CHRNA5: variants seen among roughly 807,000 people sequenced by gnomAD.
CHRNA5 encodes the protein neuronal acetylcholine receptor subunit alpha-5.
Under a neutral mutation model 41.2 loss-of-function variants are expected in CHRNA5, and 28 were observed. The observed-to-expected ratio is 0.68, with a 90% CI of 0.50 to 0.93. The LOEUF is 0.93. Ranked by LOEUF, CHRNA5 falls within the 40% of genes least tolerant of loss-of-function variation. The pLI is 0.00. For synonymous variants in CHRNA5, 188 were observed against 205.8 expected, an observed-to-expected ratio of 0.91 and a Z score of 0.74; for missense variants, 481 against 581.9, an observed-to-expected ratio of 0.83 and a Z score of 1.78.
At chr15:78,584,692 T>TTC (rs1201728417) in intron 2 of CHRNA5, among the ~76,000 whole-genome samples, 4 of 152,250 alleles carry the variant, frequency 2.6e-5, no homozygotes, top group African/African-American at 9.6e-5. Flanking sequence ...TTTCATTAGA[T>TTC]TCTCAAAGAT....
chr15:78,571,529 C>G (rs2052804746), intron 1 of CHRNA5, among the ~76,000 whole-genome samples: 1 of 151,080 alleles, frequency 6.6e-6, no homozygotes, highest in African/African-American at 2.4e-5. Context: ...TTTATAGCCC[C>G]AAATTAAGAT....
At chr15:78,586,339 T>C (rs1006876805) in intron 2 of CHRNA5, among the ~76,000 whole-genome samples, 1 of 152,238 alleles carries the variant, frequency 6.6e-6, no homozygotes, top group African/African-American at 2.4e-5. Flanking sequence ...AAAATAACAC[T>C]ATGCTTATAT....
chr15:78,578,395 C>T (rs964722061), intron 1 of CHRNA5, among the ~76,000 whole-genome samples: 3 of 152,152 alleles, frequency 2.0e-5, no homozygotes, highest in Non-Finnish European at 2.9e-5. Flanking sequence ...GTGGTCCCTG[C>T]TGTTCGGGAG....
exon 6 of CHRNA5, chr15:78,594,897 A>T (rs2053075221): frequency 6.6e-6 from 1 of 152,244 alleles, no homozygotes; most frequent in Non-Finnish European, 1.5e-5. Flanking sequence ...TTAGTACAGT[A>T]TAATGTATCA....
intron 2 of CHRNA5, among the ~76,000 whole-genome samples, chr15:78,584,389 T>C (rs952447873): frequency 6.6e-6 from 1 of 152,276 alleles, no homozygotes; most frequent in African/African-American, 2.4e-5. Flanking sequence ...TTAACATTTT[T>C]CCATTTGTTA....
At chr15:78,591,418 G>A (rs1685800246) in intron 5 of CHRNA5, 1 of 150,730 alleles carries the variant, frequency 6.6e-6, no homozygotes, top group African/African-American at 2.4e-5. Flanking sequence ...AGCCTAATGT[G>A]GAATTTATAA....
At chr15:78,592,540 T>A (rs1246443712) in intron 5 of CHRNA5, among the ~76,000 whole-genome samples, 1 of 152,164 alleles carries the variant, frequency 6.6e-6, no homozygotes, top group Non-Finnish European at 1.5e-5. Flanking sequence ...TCCGAGCTGC[T>A]GAGCCAGCTC....
intron 1 of CHRNA5, among the ~76,000 whole-genome samples, chr15:78,570,422 CTATTTTT>C (rs1257267810): frequency 3.0e-5 from 2 of 66,288 alleles, no homozygotes; most frequent in African/African-American, 1.9e-4. Context: ...CCAATCCCGG[CTATTTTT>C]TTTTTTTTTT....
intron 1 of CHRNA5, among the ~76,000 whole-genome samples, chr15:78,579,946 A>G (rs2052895442): frequency 6.6e-6 from 1 of 152,220 alleles, no homozygotes; most frequent in South Asian, 2.1e-4. Context: ...AAGTATGTCA[A>G]AGCTAAATCA....
At chr15:78,591,416 G>A (rs1409520946) in intron 5 of CHRNA5, 1 of 148,504 alleles carries the variant, frequency 6.7e-6, no homozygotes, top group Non-Finnish European at 1.5e-5. Flanking sequence ...TGAGCCTAAT[G>A]TGGAATTTAT....
At chr15:78,578,050 T>C (rs1026676498) in intron 1 of CHRNA5, among the ~76,000 whole-genome samples, 3 of 152,200 alleles carry the variant, frequency 2.0e-5, no homozygotes, top group African/African-American at 7.2e-5. Context: ...CTATTTTAAC[T>C]TGAAGCTCTA....
intron 1 of CHRNA5, among the ~76,000 whole-genome samples, chr15:78,569,650 G>A (rs1029447350): frequency 4.6e-5 from 7 of 151,848 alleles, no homozygotes; most frequent in Admixed American, 1.3e-4. Flanking sequence ...AGCCAGGATG[G>A]TCTCGATCTC....
At position 78,588,420 on chromosome 15, in the gene CHRNA5, A is replaced by G; in HGVS notation, c.410A>G (p.Asp137Gly). The change falls in exon 4 of 6, where the codon GAT becomes GGT. Residue 137 changes from aspartate (D) to glycine (G), a missense_variant. Coordinates refer to ENST00000299565, the Ensembl canonical transcript of CHRNA5. This position sits in a 1 kb window ranked among gnomAD's most constrained non-coding sequence, Gnocchi z 4.1. The stretch of plus-strand genomic sequence containing the variant: ...TGGACACCAGACATCGTTTTGTTTG[A>G]TAAGTAAGTTATATTCTAAATATAG... 7.0e-7 allele frequency: 1 copy of G among 1,430,612 alleles called. No homozygotes were observed. Among genetic ancestry groups the G allele is most frequent in the Non-Finnish European group, 9.6e-7 (1 of 1,043,646 alleles). The allele number at this position is 1,430,612 out of a possible 1,614,324, so 88.6% of individuals were successfully genotyped here.
intron 1 of CHRNA5, among the ~76,000 whole-genome samples, chr15:78,567,794 A>G (rs1350462193): frequency 6.6e-6 from 1 of 152,226 alleles, no homozygotes; most frequent in Admixed American, 6.5e-5. Context: ...CTTGAAAATT[A>G]TAAGATTCTG....
At chr15:78,579,363 C>G (rs1178636306) in intron 1 of CHRNA5, among the ~76,000 whole-genome samples, 1 of 152,160 alleles carries the variant, frequency 6.6e-6, no homozygotes, top group African/African-American at 2.4e-5. Flanking sequence ...AAGCAGTTCT[C>G]CTGCCTCAGC....
In CHRNA5 at chr15:78,580,935, ACTTGCAATAT is replaced by A. The variant is rs2052908416; in HGVS notation, c.234_243del (p.Ala79AsnfsTer11). ...ATGACAAAATAAAAATAAAATTTGGACTTGCAATATCTCAATTGGTGGATGTGGTAGGTGT... is the reference window on the plus strand; with the variant it reads ...ATGACAAAATAAAAATAAAATTTGGACTCAATTGGTGGATGTGGTAGGTGT... On this transcript the variant is annotated frameshift_variant, in exon 2 of 6. Transcript: ENST00000299565. LOFTEE classifies it high-confidence loss of function. The A allele has an allele frequency of 6.2e-7, 1 of 1,613,858 alleles. No homozygotes were observed. The highest frequency in any genetic ancestry group is 1.3e-5 in the African/African-American group (1 of 74,946).
exon 1 of CHRNA5, chr15:78,565,800 G>T: frequency 8.2e-7 from 1 of 1,222,112 alleles, no homozygotes; most frequent in African/African-American, 1.6e-5. Flanking sequence ...GCGGTCTAGC[G>T]GGCGCGGCGG....
rs553845006 is a variant in CHRNA5 at position 78,580,789 on chromosome 15, C to T, written c.107-22C>T. ...GGTGGGAGAGAAGCGAGTACATTAA[C>T]TTTTAAAAATTTGTTATACAGGATT... is the stretch of plus-strand genomic sequence containing the variant. On this transcript the variant is annotated intron_variant, in intron 1 of 5. Transcript: ENST00000299565. The T allele has an allele frequency of 1.0e-5, 16 of 1,593,926 alleles. No individual in the cohort carries two copies. The East Asian group carries it at 3.6e-4, about 36-fold the overall frequency.
intron 1 of CHRNA5, among the ~76,000 whole-genome samples, chr15:78,569,723 G>T (rs910976325): frequency 6.6e-6 from 1 of 151,940 alleles, no homozygotes; most frequent in Non-Finnish European, 1.5e-5. Flanking sequence ...GTGAGCCACC[G>T]TGCCCGGCCT....
Sources: gnomAD v4.1 joint callset for allele counts (sites outside exome capture counted in the v4.1 genomes callset) on GRCh38, gnomAD v4.1.1 for gene constraint, Gnocchi (gnomAD v3.1) non-coding constraint, MANE v1.5 for transcripts, NCBI Gene and HGNC (gene_info 2026-07-23, HGNC 2026-07-21) for gene names.